CAPN2: variants seen among roughly 807,000 people sequenced by gnomAD.
CAPN2 encodes the protein calpain-2 catalytic subunit.
A neutral mutation model predicts 102.3 loss-of-function variants in CAPN2; 92 were observed. The ratio of observed to expected loss-of-function variants is 0.90; its 90% CI spans 0.76 to 1.07. The LOEUF is 1.07. Ranked by LOEUF, CAPN2 falls within the 50% of genes least tolerant of loss-of-function variation. The pLI, the probability that CAPN2 is intolerant of heterozygous loss-of-function variation, is 0.00. For synonymous variants in CAPN2, 340 were observed against 355.4 expected (o/e 0.96, Z 0.49); for missense variants, 800 against 909.4 (o/e 0.88, Z 1.55).
At position 223,731,363 on chromosome 1, in the gene CAPN2, A is replaced by T. The variant is rs1660330634; in HGVS notation, c.308-12737A>T. On this transcript the variant is annotated intron_variant, in intron 2 of 20. Coordinates refer to ENST00000295006, the MANE Select transcript of CAPN2 (RefSeq NM_001748.5). The surrounding 1 kb of genome is among the most constrained non-coding windows in gnomAD (Gnocchi z 4.2). ...TCTCCAGTTCCCAATGCCCAGCCCC[A>T]CAATGCCCGTCCTGCTGCCTGCCTG... Among the ~76,000 whole-genome samples, 1 of 151,856 alleles carries T rather than the reference A, an allele frequency of 6.6e-6. No individual in the cohort carries two copies. Among genetic ancestry groups the T allele is most frequent in the Admixed American group, 6.6e-5 (1 of 15,252 alleles).
chr1:223,751,047 GAGA>G (rs1424221315), intron 7 of CAPN2, 72 bp downstream of exon 7: 7 of 1,227,082 alleles, frequency 5.7e-6, no homozygotes, highest in Admixed American at 2.0e-5. Context: ...AAGAGGGCGA[GAGA>G]AGAAGACATG....
rs942224167 is a variant in CAPN2, at chr1:223,756,744, C to T, written c.1306-625C>T. ...AAATGCACATAGGCCTAAACCCCTCCGTCTCTGAAACAGGAGCTGAGGACT... is the reference window on the plus strand; with the variant it reads ...AAATGCACATAGGCCTAAACCCCTCTGTCTCTGAAACAGGAGCTGAGGACT... On this transcript the variant is annotated intron_variant, in intron 10 of 20. Coordinates refer to ENST00000295006, the MANE Select transcript of CAPN2 (RefSeq NM_001748.5). The surrounding 1 kb of genome is among the most constrained non-coding windows in gnomAD (Gnocchi z 4.1). Among the ~76,000 whole-genome samples, 2 of 152,168 alleles carry T rather than the reference C, an allele frequency of 1.3e-5. No homozygotes were observed. Among genetic ancestry groups the T allele is most frequent in the Admixed American group, 6.5e-5 (1 of 15,288 alleles).
intron 13 of CAPN2, 145 bp from the exon 14 acceptor site, chr1:223,762,041 G>T: frequency 1.6e-6 from 1 of 616,684 alleles, no homozygotes; most frequent in South Asian, 2.1e-5. Context: ...CACTATACCT[G>T]ATCTTAACCC....
At chr1:223,751,104 G>A in intron 7 of CAPN2, 129 bp downstream of exon 7, 2 of 844,860 alleles carry the variant, frequency 2.4e-6, no homozygotes, top group Non-Finnish European at 3.9e-6. Context: ...CAGGCCACGT[G>A]GACAGGGACC....
At chr1:223,745,536 C>T (rs1342465782) in intron 4 of CAPN2, 97 bp downstream of exon 4, 7 of 1,419,124 alleles carry the variant, frequency 4.9e-6, no homozygotes, top group Middle Eastern at 2.2e-4. Context: ...TTTGGGAGGC[C>T]GAGGTGGGTG....
intron 4 of CAPN2, 42 bp from the exon 5 acceptor site, chr1:223,746,955 G>A (rs1193560655): frequency 4.5e-6 from 7 of 1,568,576 alleles, no homozygotes; most frequent in African/African-American, 1.3e-5. Flanking sequence ...TATAGCATCA[G>A]TAGTGTCAAG....
chr1:223,708,729 C>T (rs1659666356), upstream of CAPN2, among the ~76,000 whole-genome samples: 1 of 151,396 alleles, frequency 6.6e-6, no homozygotes, highest in Non-Finnish European at 1.5e-5. Context: ...GGAGATTGCA[C>T]CACTGCACTC....
At chr1:223,753,418 C>G (rs564599252) in intron 9 of CAPN2, among the ~76,000 whole-genome samples, 51 of 152,276 alleles carry the variant, frequency 3.3e-4, no homozygotes, top group Middle Eastern at 6.3e-3. Flanking sequence ...CCCATACTCA[C>G]TTCAATCAGC....
rs949754787 is a variant in CAPN2, at chr1:223,759,657, T to C, written c.1529+176T>C. On this transcript the variant is annotated intron_variant, in intron 12 of 20. Coordinates refer to ENST00000295006, the MANE Select transcript of CAPN2 (RefSeq NM_001748.5). The surrounding 1 kb of genome is among the most constrained non-coding windows in gnomAD (Gnocchi z 4.6). ...ATGGATTGAGGAAGTTCTAGTGTTA[T>C]AGTAAGGTAAACAATGGAAAAAGCC... Among the ~76,000 whole-genome samples the C allele has an allele frequency of 1.3e-5, 2 of 152,148 alleles. No individual in the cohort carries two copies. The highest frequency in any genetic ancestry group is 2.9e-5 in the Non-Finnish European group (2 of 68,018).
upstream of CAPN2, among the ~76,000 whole-genome samples, chr1:223,707,624 T>C (rs1159055577): frequency 5.9e-5 from 9 of 152,318 alleles, no homozygotes; most frequent in Admixed American, 4.6e-4. Context: ...TTGGGTGGCA[T>C]AGGACAGCCT....
intron 2 of CAPN2, among the ~76,000 whole-genome samples, chr1:223,728,973 A>G (rs867635196): frequency 6.6e-6 from 1 of 152,170 alleles, no homozygotes; most frequent in South Asian, 2.1e-4. Context: ...GCAAAACACA[A>G]TCCCTTCTCT....
intron 2 of CAPN2, among the ~76,000 whole-genome samples, chr1:223,718,197 TC>T (rs745952969): frequency 2.4e-4 from 36 of 152,210 alleles, no homozygotes; most frequent in Non-Finnish European, 4.9e-4. Flanking sequence ...GTGGGAGGAC[TC>T]CCCCAGACCA....
chr1:223,763,749 G>A (rs1661244212), intron 14 of CAPN2, among the ~76,000 whole-genome samples: 1 of 152,184 alleles, frequency 6.6e-6, no homozygotes, highest in South Asian at 2.1e-4. Context: ...GAAATGGTGA[G>A]TGAACTCTCC....
intron 20 of CAPN2, chr1:223,773,128 T>C (rs1384862379): frequency 6.6e-6 from 1 of 152,244 alleles, no homozygotes; most frequent in Non-Finnish European, 1.5e-5. Flanking sequence ...CATTCTGCTA[T>C]TATGCATTGT....
At chr1:223,748,447 A>G (rs1258118006) in intron 5 of CAPN2, among the ~76,000 whole-genome samples, 1 of 152,214 alleles carries the variant, frequency 6.6e-6, no homozygotes, top group Non-Finnish European at 1.5e-5. Context: ...CTTCATCAGA[A>G]TAGATAGGGG....
upstream of CAPN2, among the ~76,000 whole-genome samples, chr1:223,708,866 A>AGAAG (rs141273392): frequency 6.6e-6 from 1 of 152,022 alleles, no homozygotes; most frequent in Non-Finnish European, 1.5e-5. Context: ...AGAGAAAAAG[A>AGAAG]GAAGGAAGGA....
At chr1:223,746,732 G>T (rs1315273354) in intron 4 of CAPN2, among the ~76,000 whole-genome samples, 1 of 151,870 alleles carries the variant, frequency 6.6e-6, no homozygotes, top group African/African-American at 2.4e-5. Context: ...CGCCCACCTC[G>T]GCCTCCCAGA....
chr1:223,719,879 C>G lies in CAPN2; in HGVS notation c.307+2048C>G, dbSNP rs577331595. On this transcript the variant is annotated intron_variant, in intron 2 of 20. Transcript: ENST00000295006. ...GTATTGGTCATTTTGTTCTTTCAGC[C>G]TTTTATTTTGGAGGACTCTAGTTAG... 7.9e-5 allele frequency among the ~76,000 whole-genome samples: 12 copies of G among 152,078 alleles called. No individual in the cohort carries two copies. In the East Asian group the frequency reaches 2.3e-3, roughly 30 times the overall value.
In CAPN2 at chr1:223,766,423, A is replaced by G; in HGVS notation, c.1747A>G (p.Met583Val). The G allele has an allele frequency of 6.2e-7, 1 of 1,611,760 alleles. No individual in the cohort carries two copies. The highest frequency in any genetic ancestry group is 8.5e-7 in the Non-Finnish European group (1 of 1,177,778). Reference protein sequence around the residue: ...SIETCKIMVDMLDSDGSGKLG... With the variant: ...SIETCKIMVDVLDSDGSGKLG... ...CGAGACATGCAAAATTATGGTTGACATGCTAGATGTATCCTTTAATGTGCT... is the reference window on the plus strand; with the variant it reads ...CGAGACATGCAAAATTATGGTTGACGTGCTAGATGTATCCTTTAATGTGCT... Residue 583 changes from methionine to valine, a missense_variant, in exon 16 of 21, where the codon ATG (methionine) becomes GTG (valine). By Grantham distance (21) the Met-to-Val change is conservative. Coordinates refer to ENST00000295006, the MANE Select transcript of CAPN2 (RefSeq NM_001748.5).
Sources: allele counts gnomAD v4.1 joint callset (sites outside exome capture counted in the v4.1 genomes callset), GRCh38; gene constraint gnomAD v4.1.1; non-coding constraint Gnocchi (gnomAD v3.1); transcripts MANE v1.5; gene names NCBI Gene and HGNC (gene_info 2026-07-23, HGNC 2026-07-21).